ZYG11B: variants seen among roughly 807,000 people sequenced by gnomAD.
The protein encoded by ZYG11B is protein zyg-11 homolog B.
A neutral mutation model predicts 82.4 loss-of-function variants in ZYG11B; 36 were observed. That is an observed-to-expected ratio of 0.44 (90% confidence interval 0.33 to 0.58). The LOEUF (loss-of-function observed/expected upper bound fraction) is 0.58. Among genes scored for constraint, ZYG11B ranks in the 20% least tolerant of loss-of-function variants. The pLI is 0.02. For synonymous variants in ZYG11B, 303 were observed against 312.8 expected (o/e 0.97, Z 0.33); for missense variants, 552 against 895.6 (o/e 0.62, Z 4.90).
chr1:52,803,279 C>T (rs190044737), intron 10 of ZYG11B, among the ~76,000 whole-genome samples: 8,989 of 67,752 alleles, frequency 0.13, 994 homozygotes, highest in East Asian at 0.28. Context: ...CACACACACA[C>T]ATATATATAT....
At chr1:52,759,240 G>A (rs1644606251) in intron 2 of ZYG11B, among the ~76,000 whole-genome samples, 1 of 152,048 alleles carries the variant, frequency 6.6e-6, no homozygotes, top group African/African-American at 2.4e-5. Flanking sequence ...CCAGTGCTCA[G>A]TATATTAGAT....
At chr1:52,776,227 A>ATATATATATATATATATATATAT (rs1553260249) in intron 3 of ZYG11B, among the ~76,000 whole-genome samples, 1 of 2,920 alleles carries the variant, frequency 3.4e-4, no homozygotes, top group Non-Finnish European at 3.0e-3. Flanking sequence ...CTTAAAAAAA[A>ATATATATATATATATATATATAT]AAATATATAT....
intron 4 of ZYG11B, among the ~76,000 whole-genome samples, chr1:52,782,749 G>T (rs973553778): frequency 6.6e-6 from 1 of 151,542 alleles, no homozygotes. Flanking sequence ...GGCTAATTTT[G>T]TAGAGACGGG....
chr1:52,751,361 G>T (rs1644522799), intron 1 of ZYG11B, among the ~76,000 whole-genome samples: 1 of 150,300 alleles, frequency 6.7e-6, no homozygotes, highest in African/African-American at 2.4e-5. Context: ...CCAGCGCGGT[G>T]GCTCACACCT....
At chr1:52,799,007 G>A (rs1645051997) in intron 8 of ZYG11B, among the ~76,000 whole-genome samples, 1 of 151,922 alleles carries the variant, frequency 6.6e-6, no homozygotes. Context: ...AAGTACCCAT[G>A]ATATCAAATG....
At chr1:52,803,206 A>G (rs1282510429) in intron 10 of ZYG11B, among the ~76,000 whole-genome samples, 1 of 67,160 alleles carries the variant, frequency 1.5e-5, no homozygotes, top group African/African-American at 1.2e-4. Context: ...ATATATATAC[A>G]CACACATATA....
chr1:52,784,124 T>G (rs1644892865), intron 4 of ZYG11B, among the ~76,000 whole-genome samples: 1 of 152,088 alleles, frequency 6.6e-6, no homozygotes, highest in African/African-American at 2.4e-5. Flanking sequence ...CCCGAGTAGC[T>G]GGGATTACAG....
chr1:52,779,941 A>G lies in ZYG11B; in HGVS notation c.1040A>G (p.His347Arg), dbSNP rs771377657. 1.2e-6 allele frequency: 2 copies of G among 1,614,202 alleles called. No individual in the cohort carries two copies. The highest frequency in any genetic ancestry group is 1.7e-5 in the Admixed American group (1 of 60,024). ...RAFFVREALFHLFSLTHVMEK... is the reference protein window; with the variant it reads ...RAFFVREALFRLFSLTHVMEK... ...TTCTTTGTTCGGGAAGCTCTATTTC[A>G]TCTTTTTAGTCTGACTCATGTGATG... The change falls in exon 4 of 14, where the codon CAT (histidine) becomes CGT (arginine). Residue 347 changes from histidine (H) to arginine (R), a missense_variant. Coordinates refer to ENST00000294353, the MANE Select transcript of ZYG11B (RefSeq NM_024646.3).
intron 1 of ZYG11B, among the ~76,000 whole-genome samples, chr1:52,736,915 G>A (rs1304286275): frequency 6.6e-6 from 1 of 151,972 alleles, no homozygotes; most frequent in Non-Finnish European, 1.5e-5. Context: ...AGTATACTAG[G>A]ACCTTTATGA....
In ZYG11B at chr1:52,760,943, A is replaced by C. The variant is rs540720622; in HGVS notation, c.196+4320A>C. ...ATGCACAGCTAATTTTTGTATTTTT[A>C]GTAGAGACAGGGTTTCACCATGTTG... On this transcript the variant is annotated intron_variant, in intron 2 of 13. Transcript: ENST00000294353. 2.2e-3 allele frequency among the ~76,000 whole-genome samples: 310 copies of C among 142,154 alleles called. 1 individual carries two copies. The highest frequency in any genetic ancestry group is 7.7e-3 in the African/African-American group (293 of 38,116). The allele number at this position is 142,154 out of a possible 152,430, so 93.3% of individuals were successfully genotyped here.
At chr1:52,752,070 C>T (rs1461580859) in intron 1 of ZYG11B, among the ~76,000 whole-genome samples, 1 of 151,870 alleles carries the variant, frequency 6.6e-6, no homozygotes, top group Non-Finnish European at 1.5e-5. Context: ...TTAACATAGA[C>T]CTCACAGGTG....
intron 2 of ZYG11B, among the ~76,000 whole-genome samples, chr1:52,768,369 C>CT (rs1057160671): frequency 1.3e-5 from 2 of 152,132 alleles, no homozygotes; most frequent in Non-Finnish European, 2.9e-5. Context: ...ATCTCTTCAC[C>CT]TTTCAGAGTG....
In ZYG11B at chr1:52,802,128, C is replaced by T; in HGVS notation, c.1684C>T (p.Leu562=). The change falls in exon 10 of 14, where the codon CTA becomes TTA. Residue 562 remains leucine (L), a synonymous_variant. Coordinates refer to ENST00000294353, the MANE Select transcript of ZYG11B (RefSeq NM_024646.3). ...PTESSIQQKV[L]GLLNNIAEVQ... ...TGAGTCATCCATTCAGCAGAAAGTT[C>T]TAGGACTTTTGGTAAGATATAAGCA... is the stretch of plus-strand genomic sequence containing the variant. The T allele has an allele frequency of 6.2e-7, 1 of 1,610,730 alleles. No homozygotes were observed. Among genetic ancestry groups the T allele is most frequent in the Non-Finnish European group, 8.5e-7 (1 of 1,179,112 alleles).
chr1:52,757,559 C>T (rs1558123351), intron 2 of ZYG11B, among the ~76,000 whole-genome samples: 2 of 151,918 alleles, frequency 1.3e-5, no homozygotes, highest in African/African-American at 4.8e-5. Flanking sequence ...CCTATAATCT[C>T]AGCTACTCGG....
intron 2 of ZYG11B, among the ~76,000 whole-genome samples, chr1:52,760,902 A>G (rs573294525): frequency 1.3e-5 from 2 of 150,686 alleles, no homozygotes; most frequent in South Asian, 2.1e-4. Context: ...AGCTGGGACT[A>G]CAGGTGCCTG....
In ZYG11B at chr1:52,816,535, C is replaced by T; in HGVS notation, c.1950C>T (p.Ser650=). ...TTCTTTTCTTTTGAACCTTTAGGTC[C>T]TTTAATCCATTTTTCCCATTACTTG... The part of the protein sequence containing the change: ...TPECEMVAYR[S]FNPFFPLLGC... Residue 650 remains serine (S), a synonymous_variant, in exon 13 of 14, where the codon TCC becomes TCT. Transcript: ENST00000294353. 6.2e-7 allele frequency: 1 copy of T among 1,607,238 alleles called. No individual in the cohort carries two copies. Among genetic ancestry groups the T allele is most frequent in the Non-Finnish European group, 8.5e-7 (1 of 1,176,662 alleles).
At chr1:52,801,742 A>AT (rs1645077350) in intron 8 of ZYG11B, 77 bp from the exon 9 acceptor site, 1 of 1,222,900 alleles carries the variant, frequency 8.2e-7, no homozygotes, top group Non-Finnish European at 1.1e-6. Context: ...ATCCTCATGG[A>AT]CTTGGGGTTA....
chr1:52,756,400 T>C, intron 1 of ZYG11B, 58 bp from the exon 2 acceptor site: 1 of 1,531,678 alleles, frequency 6.5e-7, no homozygotes, highest in South Asian at 1.2e-5. Flanking sequence ...TCTCTGCTTT[T>C]CTGGAAACTA....
intron 3 of ZYG11B, among the ~76,000 whole-genome samples, chr1:52,777,872 G>T (rs779459418): frequency 1.3e-5 from 2 of 152,086 alleles, no homozygotes; most frequent in Non-Finnish European, 2.9e-5. Context: ...TGAGATAGTC[G>T]CTCTGAATGA....
Sources: gnomAD v4.1 joint callset for allele counts (sites outside exome capture counted in the v4.1 genomes callset) on GRCh38, gnomAD v4.1.1 for gene constraint, MANE v1.5 for transcripts, NCBI Gene and HGNC (gene_info 2026-07-23, HGNC 2026-07-21) for gene names.